The following FGFR2 variants were observed in gnomAD, a reference collection of about 807,000 sequenced individuals.
FGFR2 encodes BEK fibroblast growth factor receptor.
A neutral mutation model predicts 95.9 loss-of-function variants in FGFR2; 19 were observed. That is an observed-to-expected ratio of 0.20 (90% CI 0.14 to 0.29). The LOEUF is 0.29. Among genes scored for constraint, FGFR2 ranks in the 10% least tolerant of loss-of-function variants. The pLI, the probability that FGFR2 is intolerant of heterozygous loss-of-function variation, is 1.00. For synonymous variants in FGFR2, 392 were observed against 393.3 expected, an observed-to-expected ratio of 1.00 and a Z score of 0.04; for missense variants, 707 against 1,056.9, an observed-to-expected ratio of 0.67 and a Z score of 4.59.
At chr10:121,536,781 C>T (rs1486863275) in intron 6 of FGFR2, among the ~76,000 whole-genome samples, 1 of 152,196 alleles carries the variant, frequency 6.6e-6, no homozygotes, top group African/African-American at 2.4e-5. Flanking sequence ...CCTAGAATGG[C>T]CCCAGCCCAG....
rs57061338 is a variant in FGFR2, at chr10:121,548,245, C to CTTTTTTTTTTTTTTTTTTTTTT, written c.624+3023_624+3044dup. ...TGTGTGGCCCTCTGCCGCTTTTGGCCTTTTTTTTTTTTTTTTTTTTTTTTT... is the reference window on the plus strand; with the variant it reads ...TGTGTGGCCCTCTGCCGCTTTTGGCCTTTTTTTTTTTTTTTTTTTTTTTTTTTTTTTTTTTTTTTTTTTTTTT... On this transcript the variant is annotated intron_variant, in intron 5 of 17. Transcript: ENST00000358487. 1.7e-4 allele frequency among the ~76,000 whole-genome samples: 8 copies of CTTTTTTTTTTTTTTTTTTTTTT among 46,698 alleles called. 1 individual carries two copies. The highest frequency in any genetic ancestry group is 1.1e-3 in the East Asian group (1 of 934). The allele number at this position is 46,698 out of a possible 152,430, so 30.6% of individuals were successfully genotyped here.
At chr10:121,568,484 G>A (rs755311517) in intron 2 of FGFR2, among the ~76,000 whole-genome samples, 2 of 152,148 alleles carry the variant, frequency 1.3e-5, no homozygotes, top group Admixed American at 6.5e-5. Context: ...CAGCCGCTGA[G>A]CAGAAGCAGC....
intron 5 of FGFR2, among the ~76,000 whole-genome samples, chr10:121,547,716 C>T (rs964630940): frequency 4.1e-4 from 62 of 152,102 alleles, no homozygotes; most frequent in African/African-American, 1.5e-3. Context: ...TTTAAGTCTA[C>T]GTAGGTAACG....
chr10:121,529,186 G>A (rs1851774020), intron 6 of FGFR2, among the ~76,000 whole-genome samples: 2 of 152,248 alleles, frequency 1.3e-5, no homozygotes, highest in Admixed American at 1.3e-4. Context: ...TCAGCTCACT[G>A]CAACCTCCGC....
At position 121,537,173 on chromosome 10, in the gene FGFR2, T is replaced by C. The variant is rs41295521; in HGVS notation, c.748+1419A>G. Among the ~76,000 whole-genome samples the C allele has an allele frequency of 2.4e-3, 368 of 152,318 alleles. 1 individual carries two copies. The highest frequency in any genetic ancestry group is 7.6e-3 in the African/African-American group (316 of 41,570). ...GGGGAAAGAGCTCTAAAACTCACTC[T>C]TTTATGAATATCTATAGGATCAACA... On this transcript the variant is annotated intron_variant, in intron 6 of 17. Coordinates refer to ENST00000358487, the MANE Select transcript of FGFR2 (RefSeq NM_000141.5).
chr10:121,482,908 C>T (rs987449753), intron 17 of FGFR2, among the ~76,000 whole-genome samples: 4 of 152,154 alleles, frequency 2.6e-5, no homozygotes, highest in Non-Finnish European at 5.9e-5. Context: ...AGCGATTCCC[C>T]TACCTCGCCT....
chr10:121,575,789 G>T lies in FGFR2; in HGVS notation c.110-10085C>A, dbSNP rs530781188. On this transcript the variant is annotated intron_variant, in intron 2 of 17. Coordinates refer to ENST00000358487, the MANE Select transcript of FGFR2 (RefSeq NM_000141.5). ...GAGAATCGCTTAAACCAGGGAGGCA[G>T]AGGTTGCAGTGAGCCGAGATCGTGC... Among the ~76,000 whole-genome samples the T allele has an allele frequency of 8.1e-3, 1,226 of 152,178 alleles. 7 individuals carry two copies. The highest frequency in any genetic ancestry group is 0.014 in the Non-Finnish European group (943 of 68,012).
At chr10:121,504,070 C>G (rs997335153) in intron 9 of FGFR2, 129 bp from the exon 10 acceptor site, 13 of 1,087,878 alleles carry the variant, frequency 1.2e-5, no homozygotes, top group Non-Finnish European at 1.6e-5. Context: ...AAGTCAGAAA[C>G]CAAATTAGAA....
chr10:121,514,519 G>A (rs752575833), intron 9 of FGFR2, among the ~76,000 whole-genome samples: 2 of 152,120 alleles, frequency 1.3e-5, no homozygotes, highest in Non-Finnish European at 2.9e-5. Context: ...CCACACCTGT[G>A]AACTACTAAC....
In FGFR2 at chr10:121,496,518, T is replaced by G. The variant is rs1460235029; in HGVS notation, c.1863+14A>C. On this transcript the variant is annotated intron_variant, in intron 13 of 17. Transcript: ENST00000358487. ...TTGGATTCCACCCAGCCAAGTAGAA[T>G]GTGAAAGACTCACTTTTTGGGAAGC... 11 of 1,613,724 alleles carry G rather than the reference T, an allele frequency of 6.8e-6. No individual in the cohort carries two copies. The highest frequency in any genetic ancestry group is 9.3e-6 in the Non-Finnish European group (11 of 1,179,708).
intron 7 of FGFR2, among the ~76,000 whole-genome samples, chr10:121,519,473 G>T (rs1850192586): frequency 3.3e-5 from 5 of 151,784 alleles, no homozygotes; most frequent in Admixed American, 3.3e-4. Context: ...GTTTTGTTTT[G>T]TTTTTGTTAA....
rs550984269 is a variant in FGFR2, at chr10:121,485,304, C to T, written c.2195+91G>A. 5.7e-6 allele frequency: 9 copies of T among 1,569,102 alleles called. No homozygotes were observed. The African/African-American group carries it at 6.7e-5, about 12-fold the overall frequency. ...TCTTCTTAGAGCATGTTTAGGAAAC[C>T]AGGGGCCTTCAAAAACGAGATACAT... On this transcript the variant is annotated intron_variant, in intron 16 of 17. Transcript: ENST00000358487. This position sits in a 1 kb window ranked among gnomAD's most constrained non-coding sequence, Gnocchi z 4.2.
Position 121,565,663 on chromosome 10 carries a change from C to T in FGFR2, c.151G>A (p.Val51Met), listed in dbSNP as rs1307462454. The change falls in exon 3 of 18, where the codon GTG becomes ATG. Residue 51 changes from valine (V) to methionine (M), a missense_variant. Transcript: ENST00000358487. ...KYQISQPEVYVAAPGESLEVR... is the reference protein window; with the variant it reads ...KYQISQPEVYMAAPGESLEVR... ...TCTAGCGACTCCCCTGGCGCAGCCACGTACACTTCTGGTTGAGAGATTTGG... is the reference window on the plus strand; with the variant it reads ...TCTAGCGACTCCCCTGGCGCAGCCATGTACACTTCTGGTTGAGAGATTTGG... 3.7e-6 allele frequency: 6 copies of T among 1,614,094 alleles called. No individual in the cohort carries two copies. The highest frequency in any genetic ancestry group is 1.3e-5 in the African/African-American group (1 of 74,926).
chr10:121,569,920 G>A (rs959916239), intron 2 of FGFR2, among the ~76,000 whole-genome samples: 17 of 152,182 alleles, frequency 1.1e-4, no homozygotes, highest in African/African-American at 3.6e-4. Flanking sequence ...ACATGTTAGG[G>A]AGAATGCATG....
chr10:121,565,920 C>T lies in FGFR2; in HGVS notation c.110-216G>A. On this transcript the variant is annotated intron_variant, in intron 2 of 17. Transcript: ENST00000358487. ...GATACCCCCAGAAAATCTGTCCTGA[C>T]TTAGTTTCCACATCCTATGGGGCTT... 6.6e-6 allele frequency: 4 copies of T among 610,586 alleles called. No homozygotes were observed. In the South Asian group the frequency reaches 7.8e-5, roughly 12 times the overall value. The allele number at this position is 610,586 out of a possible 1,614,324, so 37.8% of individuals were successfully genotyped here.
Position 121,573,818 on chromosome 10 carries a change from A to C in FGFR2, c.110-8114T>G, listed in dbSNP as rs188999257. Among the ~76,000 whole-genome samples the C allele has an allele frequency of 1.6e-3, 240 of 152,168 alleles. 2 individuals carry two copies. Among genetic ancestry groups the C allele is most frequent in the Non-Finnish European group, 2.8e-3 (191 of 67,988 alleles). On this transcript the variant is annotated intron_variant, in intron 2 of 17. Transcript: ENST00000358487. ...AGCACTGTAACAGGAGCGCTGCGGG[A>C]AGGGTAGTAAAATGGCCTTCGGTTC... is the stretch of plus-strand genomic sequence containing the variant.
chr10:121,587,685 C>T (rs886079818), intron 2 of FGFR2, among the ~76,000 whole-genome samples: 2 of 152,084 alleles, frequency 1.3e-5, no homozygotes, highest in African/African-American at 2.4e-5. Flanking sequence ...ATCAAAACCA[C>T]GATGAGATAC....
At chr10:121,597,844 C>G in intron 1 of FGFR2, 118 bp downstream of exon 1, 1 of 371,250 alleles carries the variant, frequency 2.7e-6, no homozygotes, top group African/African-American at 2.1e-5. Context: ...GCGTCCTCCA[C>G]AATGCTAGTC....
intron 4 of FGFR2, among the ~76,000 whole-genome samples, chr10:121,552,990 G>T (rs956459093): frequency 2.0e-5 from 3 of 152,128 alleles, no homozygotes; most frequent in African/African-American, 4.8e-5. Context: ...GTCCCTGGGG[G>T]ATAAGGATCC....
Sources: gnomAD v4.1 joint callset for allele counts (sites outside exome capture counted in the v4.1 genomes callset) on GRCh38, gnomAD v4.1.1 for gene constraint, Gnocchi (gnomAD v3.1) non-coding constraint, MANE v1.5 for transcripts, NCBI Gene and HGNC (gene_info 2026-07-23, HGNC 2026-07-21) for gene names.